PLXNB1: variants seen among roughly 807,000 people sequenced by gnomAD.
The protein encoded by PLXNB1 is plexin-B1.
A neutral mutation model predicts 209.4 loss-of-function variants in PLXNB1; 106 were observed. The observed-to-expected ratio is 0.51, with a 90% CI of 0.43 to 0.59. The LOEUF (loss-of-function observed/expected upper bound fraction) is 0.59. Among genes scored for constraint, PLXNB1 ranks in the 20% least tolerant of loss-of-function variants. The pLI, the probability that PLXNB1 is intolerant of heterozygous loss-of-function variation, is 0.00. For missense variants in PLXNB1, 2,357 were observed against 2,853.2 expected, an observed-to-expected ratio of 0.83 and a Z score of 3.96; for synonymous variants, 1,167 against 1,183.2, an observed-to-expected ratio of 0.99 and a Z score of 0.28.
rs2037576540 is a variant in PLXNB1, at chr3:48,410,145, C to T, written c.5606-68G>A. On this transcript the variant is annotated intron_variant, in intron 31 of 37. Coordinates refer to ENST00000296440, the MANE Select transcript of PLXNB1 (RefSeq NM_001130082.3). This position sits in a 1 kb window ranked among gnomAD's most constrained non-coding sequence, Gnocchi z 6.4. ...CCTCCCCAGGCCCCCTGTTTCTTGCCAGCTCTCCCAGGGGTGGGGGCACCT... is the reference window on the plus strand; with the variant it reads ...CCTCCCCAGGCCCCCTGTTTCTTGCTAGCTCTCCCAGGGGTGGGGGCACCT... 6.6e-7 allele frequency: 1 copy of T among 1,507,150 alleles called. No individual in the cohort carries two copies. Among genetic ancestry groups the T allele is most frequent in the African/African-American group, 1.4e-5 (1 of 71,826 alleles). 93.4% of individuals were successfully genotyped at this position (1,507,150 alleles called of 1,614,324 possible). A position where few individuals can be genotyped will look rare whatever the true frequency, so the allele number is the denominator to read the frequency against.
chr3:48,405,809 G>A lies in PLXNB1; in HGVS notation c.6229-11C>T. ...GTCTCCGGAGTAGTTCTAGGGAAGA[G>A]GCCAAATGAAAGGTGAGAGAGACGA... On this transcript the variant is annotated splice_polypyrimidine_tract_variant and intron_variant, in intron 36 of 37. Coordinates refer to ENST00000296440, the MANE Select transcript of PLXNB1 (RefSeq NM_001130082.3). The surrounding 1 kb of genome is among the most constrained non-coding windows in gnomAD (Gnocchi z 5.0). The A allele has an allele frequency of 6.2e-7, 1 of 1,611,508 alleles. No individual in the cohort carries two copies. Among genetic ancestry groups the A allele is most frequent in the East Asian group, 2.2e-5 (1 of 44,850 alleles).
chr3:48,419,887 ACTG>A lies in PLXNB1; in HGVS notation c.2396_2398del (p.Ala799del). The stretch of plus-strand genomic sequence containing the variant: ...CTCGGGGCCAGGGTCTGCAGGGGGC[ACTG>A]CTGCTACCTCTGAGGGTGACAGCGG... On this transcript the variant is annotated inframe_deletion, in exon 11 of 38. Coordinates refer to ENST00000296440, the MANE Select transcript of PLXNB1 (RefSeq NM_001130082.3). The surrounding 1 kb of genome is among the most constrained non-coding windows in gnomAD (Gnocchi z 5.7). 6.4e-7 allele frequency: 1 copy of A among 1,564,580 alleles called. No individual in the cohort carries two copies. Among genetic ancestry groups the A allele is most frequent in the Non-Finnish European group, 8.7e-7 (1 of 1,153,118 alleles).
Position 48,417,988 on chromosome 3 carries a change from C to T in PLXNB1, c.3297G>A (p.Val1099=). 1.2e-6 allele frequency: 2 copies of T among 1,613,524 alleles called. No homozygotes were observed. Among genetic ancestry groups the T allele is most frequent in the South Asian group, 2.2e-5 (2 of 91,090 alleles). The change falls in exon 16 of 38, where the codon GTG becomes GTA. Residue 1099 remains valine (V), a synonymous_variant. Transcript: ENST00000296440. The surrounding 1 kb of genome is among the most constrained non-coding windows in gnomAD (Gnocchi z 4.4). ...TIRGSNLGQH[V]QDVLGMVTVA... is the part of the protein sequence containing the mutation. ...CCGTGACCATGCCCAGCACATCCTG[C>T]ACATGCTGGCCCAGGTTGGAGCCCC...
Position 48,421,314 on chromosome 3 carries a change from T to C in PLXNB1, c.1724A>G (p.His575Arg). Reference sequence around the variant, plus strand: ...ACCAGTCAGCAGGGCAGGACTCTGATGTTCCCCAAAGTGGCAGGAATATGA... The same window carrying C: ...ACCAGTCAGCAGGGCAGGACTCTGACGTTCCCCAAAGTGGCAGGAATATGA... ...GESYSCHFGE[H>R]QSPALLTGSG... The change falls in exon 8 of 38, where the codon CAT becomes CGT. Residue 575 changes from histidine (H) to arginine (R), a missense_variant. By Grantham distance (29) the His-to-Arg change is conservative. This residue lies in a region of PLXNB1 where 214 missense variants were observed against 297.1 expected (regional missense o/e 0.72). Coordinates refer to ENST00000296440, the MANE Select transcript of PLXNB1 (RefSeq NM_001130082.3). 1 of 1,596,512 alleles carries C rather than the reference T, an allele frequency of 6.3e-7. No homozygotes were observed. The highest frequency in any genetic ancestry group is 8.5e-7 in the Non-Finnish European group (1 of 1,169,638).
Position 48,411,594 on chromosome 3 carries a change from G to A in PLXNB1, c.5247+269C>T, listed in dbSNP as rs911102968. 2.6e-5 allele frequency among the ~76,000 whole-genome samples: 4 copies of A among 152,182 alleles called. No individual in the cohort carries two copies. The highest frequency in any genetic ancestry group is 1.3e-4 in the Admixed American group (2 of 15,282). On this transcript the variant is annotated intron_variant, in intron 28 of 37. Transcript: ENST00000296440. The surrounding 1 kb of genome is among the most constrained non-coding windows in gnomAD (Gnocchi z 4.0). Reference sequence around the variant, plus strand: ...AGCTCAAGCCCATGGTCTAAGGTAGGGCTGGCTTCTCCCAAACCCTGGTTG... The same window carrying A: ...AGCTCAAGCCCATGGTCTAAGGTAGAGCTGGCTTCTCCCAAACCCTGGTTG...
In PLXNB1 at chr3:48,418,907, T is replaced by C; in HGVS notation, c.2955+10A>G. 3.1e-6 allele frequency: 5 copies of C among 1,613,798 alleles called. No homozygotes were observed. Among genetic ancestry groups the C allele is most frequent in the Non-Finnish European group, 3.4e-6 (4 of 1,179,904 alleles). On this transcript the variant is annotated intron_variant, in intron 13 of 37. Transcript: ENST00000296440. This position sits in a 1 kb window ranked among gnomAD's most constrained non-coding sequence, Gnocchi z 6.6. ...GCACCCGTGCCCACCCAGGCGCTCA[T>C]GGTGTGCACCTGGTGCTGCTGGCAG... is the stretch of plus-strand genomic sequence containing the variant.
chr3:48,423,878 C>G lies in PLXNB1; in HGVS notation c.734G>C (p.Arg245Pro), dbSNP rs774196252. ...GAGACACACTCGAGATACATAGGCA[C>G]GAAAAGCTCTAGACTGAGCCTGCAG... ...RDLQAQSRAF[R>P]AYVSRVCLRD... Residue 245 changes from arginine (R) to proline (P), a missense_variant, in exon 3 of 38, where the codon CGT becomes CCT. Physicochemically the swap from Arg to Pro is moderately radical, Grantham distance 103. Coordinates refer to ENST00000296440, the MANE Select transcript of PLXNB1 (RefSeq NM_001130082.3). 1 of 1,614,042 alleles carries G rather than the reference C, an allele frequency of 6.2e-7. No homozygotes were observed. Among genetic ancestry groups the G allele is most frequent in the Non-Finnish European group, 8.5e-7 (1 of 1,180,024 alleles).
rs768694885 is a variant in PLXNB1, at chr3:48,415,988, C to A, written c.3617+43G>T. 19 of 1,578,688 alleles carry A rather than the reference C, an allele frequency of 1.2e-5. No individual in the cohort carries two copies. The Admixed American group carries it at 3.2e-4, about 27-fold the overall frequency. On this transcript the variant is annotated intron_variant, in intron 18 of 37. Coordinates refer to ENST00000296440, the MANE Select transcript of PLXNB1 (RefSeq NM_001130082.3). This position sits in a 1 kb window ranked among gnomAD's most constrained non-coding sequence, Gnocchi z 5.0. ...GATCTCAGACCCCTCCATCTTTCCC[C>A]TGGAGCAGATGGATTTTTGCAGGAT...
Position 48,410,536 on chromosome 3 carries a change from C to G in PLXNB1, c.5439G>C (p.Gly1813=). ...LDVEWRSGVA[G]HLILSDEDVT... is the part of the protein sequence containing the mutation. ...CATCCTCGTCAGAAAGAATGAGGTG[C>G]CCGGCCACCCCAGACCGCCACTCTG... is the stretch of plus-strand genomic sequence containing the variant. Residue 1813 remains glycine (G), a synonymous_variant, in exon 30 of 38, where the codon GGG becomes GGC. Coordinates refer to ENST00000296440, the MANE Select transcript of PLXNB1 (RefSeq NM_001130082.3). The surrounding 1 kb of genome is among the most constrained non-coding windows in gnomAD (Gnocchi z 6.4). 6.2e-7 allele frequency: 1 copy of G among 1,613,606 alleles called. No homozygotes were observed. The highest frequency in any genetic ancestry group is 8.5e-7 in the Non-Finnish European group (1 of 1,179,966).
chr3:48,414,705 G>C, intron 21 of PLXNB1, 94 bp downstream of exon 21: 2 of 1,470,236 alleles, frequency 1.4e-6, no homozygotes, highest in Non-Finnish European at 1.8e-6. Context: ...ACCGGCCCTT[G>C]CTCTACTGTC....
At position 48,424,013 on chromosome 3, in the gene PLXNB1, T is replaced by C; in HGVS notation, c.599A>G (p.Tyr200Cys). 1.2e-6 allele frequency: 2 copies of C among 1,611,600 alleles called. No individual in the cohort carries two copies. Among genetic ancestry groups the C allele is most frequent in the Non-Finnish European group, 1.7e-6 (2 of 1,178,810 alleles). The stretch of plus-strand genomic sequence containing the variant: ...CACTGCCAGCTTGGCTGTCTCCTCA[T>C]AGGAGAAGGCAGCTTGGGGGTCGGG... ...WPPDPQAAFS[Y>C]EETAKLAVGR... Residue 200 changes from tyrosine to cysteine, a missense_variant, in exon 3 of 38, where the codon TAT becomes TGT. By Grantham distance (194) the Tyr-to-Cys change is radical (BLOSUM62 -2). Around this residue, in one of 7 missense-constraint regions of PLXNB1, gnomAD observed 404 missense variants for 443.6 expected, o/e 0.91. Coordinates refer to ENST00000296440, the MANE Select transcript of PLXNB1 (RefSeq NM_001130082.3).
chr3:48,420,406 T>C (rs960578789), intron 10 of PLXNB1, 149 bp from the exon 11 acceptor site: 1 of 643,578 alleles, frequency 1.6e-6, no homozygotes, highest in Non-Finnish European at 2.7e-6. Flanking sequence ...TGGAGAAAAC[T>C]GCGGGGGAAG....
chr3:48,411,696 G>A lies in PLXNB1; in HGVS notation c.5247+167C>T, dbSNP rs1477682186. Among the ~76,000 whole-genome samples, 1 of 152,168 alleles carries A rather than the reference G, an allele frequency of 6.6e-6. No homozygotes were observed. The highest frequency in any genetic ancestry group is 2.4e-5 in the African/African-American group (1 of 41,446). On this transcript the variant is annotated intron_variant, in intron 28 of 37. Coordinates refer to ENST00000296440, the MANE Select transcript of PLXNB1 (RefSeq NM_001130082.3). The surrounding 1 kb of genome is among the most constrained non-coding windows in gnomAD (Gnocchi z 4.0). ...AAAGTCTGCCCTAAACTGCTATCCTGCTAAGCTAGTCTGATGGGCTCTCTC... is the reference window on the plus strand; with the variant it reads ...AAAGTCTGCCCTAAACTGCTATCCTACTAAGCTAGTCTGATGGGCTCTCTC...
Position 48,413,707 on chromosome 3 carries a change from G to C in PLXNB1, c.4498C>G (p.Leu1500Val). The change falls in exon 23 of 38, where the codon CTG becomes GTG. Residue 1500 changes from leucine (L) to valine (V), a missense_variant. Around this residue, in one of 7 missense-constraint regions of PLXNB1, gnomAD observed 743 missense variants for 896.2 expected, o/e 0.83. Coordinates refer to ENST00000296440, the MANE Select transcript of PLXNB1 (RefSeq NM_001130082.3). The surrounding 1 kb of genome is among the most constrained non-coding windows in gnomAD (Gnocchi z 5.4). ...ACAATGATGATGACACCCAGAGCCAGAAGAGAGGTGCCCACCCCCAAGCCC... is the reference window on the plus strand; with the variant it reads ...ACAATGATGATGACACCCAGAGCCACAAGAGAGGTGCCCACCCCCAAGCCC... ...QVGLGVGTSL[L>V]ALGVIIIVLM... 6.2e-7 allele frequency: 1 copy of C among 1,613,670 alleles called. No homozygotes were observed. The highest frequency in any genetic ancestry group is 8.5e-7 in the Non-Finnish European group (1 of 1,179,990).
At position 48,410,978 on chromosome 3, in the gene PLXNB1, A is replaced by C; in HGVS notation, c.5306T>G (p.Val1769Gly). The C allele has an allele frequency of 6.2e-7, 1 of 1,613,712 alleles. No homozygotes were observed. Among genetic ancestry groups the C allele is most frequent in the African/African-American group, 1.3e-5 (1 of 74,998 alleles). Residue 1769 changes from valine (V) to glycine (G), a missense_variant, in exon 29 of 38, where the codon GTG becomes GGG. Physicochemically the swap from Val to Gly is moderately radical, Grantham distance 109. This residue lies in a region of PLXNB1 where 414 missense variants were observed against 520.5 expected (regional missense o/e 0.80). Transcript: ENST00000296440. This position sits in a 1 kb window ranked among gnomAD's most constrained non-coding sequence, Gnocchi z 6.4. ...PGAGEAQGVP[V>G]KVLDCDTISQ... Reference sequence around the variant, plus strand: ...GATGGTGTCACAGTCTAGGACCTTCACGGGCACGCCCTGGGCCTCTCCTGC... The same window carrying C: ...GATGGTGTCACAGTCTAGGACCTTCCCGGGCACGCCCTGGGCCTCTCCTGC...
intron 10 of PLXNB1, 83 bp downstream of exon 10, chr3:48,420,582 A>G: frequency 1.8e-6 from 2 of 1,127,520 alleles, no homozygotes; most frequent in South Asian, 2.6e-5. Context: ...TCACATAGGC[A>G]GACAGACCCC....
At position 48,405,468 on chromosome 3, in the gene PLXNB1, C is replaced by T. The variant is rs537625235; in HGVS notation, c.6303+256G>A. ...TCCAGGCCCTGGTAGACCCCTTGGC[C>T]CCCACAACCACCAGCACTGTGCCTC... On this transcript the variant is annotated intron_variant, in intron 37 of 37. Transcript: ENST00000296440. This position sits in a 1 kb window ranked among gnomAD's most constrained non-coding sequence, Gnocchi z 5.0. Among the ~76,000 whole-genome samples, 8 of 152,296 alleles carry T rather than the reference C, an allele frequency of 5.3e-5. No individual in the cohort carries two copies. The highest frequency in any genetic ancestry group is 1.4e-4 in the African/African-American group (6 of 41,564).
At chr3:48,422,514 G>C (rs2038600629) in intron 4 of PLXNB1, 55 bp from the exon 5 acceptor site, 1 of 1,505,036 alleles carries the variant, frequency 6.6e-7, no homozygotes, top group Non-Finnish European at 8.9e-7. Context: ...GAGGCCCAAA[G>C]CCCTCCCCTC....
intron 6 of PLXNB1, 80 bp downstream of exon 6, chr3:48,422,025 G>A: frequency 7.2e-7 from 1 of 1,389,164 alleles, no homozygotes; most frequent in African/African-American, 1.4e-5. Context: ...TGGTCTAAGG[G>A]TCAGGAATTC....
Sources: allele counts gnomAD v4.1 joint callset (sites outside exome capture counted in the v4.1 genomes callset), GRCh38; gene constraint gnomAD v4.1.1; regional missense constraint gnomAD v4.1.1; non-coding constraint Gnocchi (gnomAD v3.1); transcripts MANE v1.5; gene names NCBI Gene and HGNC (gene_info 2026-07-23, HGNC 2026-07-21).